Variants in KCNK5 observed in about 807,000 individuals in gnomAD.
KCNK5 encodes the protein potassium two pore domain channel subfamily K member 5.
A neutral mutation model predicts 32.9 loss-of-function variants in KCNK5; 18 were observed. The ratio of observed to expected loss-of-function variants is 0.55; its 90% CI spans 0.38 to 0.81. KCNK5 has a LOEUF of 0.81. Among genes scored for constraint, KCNK5 ranks in the 30% least tolerant of loss-of-function variants. The pLI is 0.00. For missense variants in KCNK5, 507 were observed against 651.0 expected (o/e 0.78, Z 2.41); for synonymous variants, 276 against 275.3 (o/e 1.00, Z -0.03).
At position 39,191,773 on chromosome 6, in the gene KCNK5, C is replaced by T; in HGVS notation, c.635-18G>A. The T allele has an allele frequency of 6.2e-7, 1 of 1,602,872 alleles. No homozygotes were observed. ...GTTCACACCTGAGCGGACAGGCAGT[C>T]CAGAGGTCAGGAAGAGTTAGCAGGG... is the stretch of plus-strand genomic sequence containing the variant. On this transcript the variant is annotated intron_variant, in intron 4 of 4. Coordinates refer to ENST00000359534, the MANE Select transcript of KCNK5 (RefSeq NM_003740.4). This position sits in a 1 kb window ranked among gnomAD's most constrained non-coding sequence, Gnocchi z 5.8.
chr6:39,217,118 C>CAAAGAAAA (rs1771451399), intron 1 of KCNK5, among the ~76,000 whole-genome samples: 2 of 74,446 alleles, frequency 2.7e-5, no homozygotes, highest in African/African-American at 9.1e-5. Flanking sequence ...AAAACTCCAT[C>CAAAGAAAA]AAAAAAAAAA....
chr6:39,198,068 C>T (rs1039886148), intron 1 of KCNK5, among the ~76,000 whole-genome samples: 3 of 152,334 alleles, frequency 2.0e-5, no homozygotes, highest in Admixed American at 2.0e-4. Context: ...GAAACTAGCA[C>T]AGATTCACCC....
intron 1 of KCNK5, among the ~76,000 whole-genome samples, chr6:39,217,508 C>T (rs1169732154): frequency 1.3e-5 from 2 of 152,212 alleles, no homozygotes; most frequent in Non-Finnish European, 2.9e-5. Context: ...AGAAGCCTTC[C>T]CTAATTGCCC....
chr6:39,229,107 A>C lies in KCNK5; in HGVS notation c.5T>G (p.Val2Gly), dbSNP rs1233080101. 8 of 1,613,738 alleles carry C rather than the reference A, an allele frequency of 5.0e-6. No individual in the cohort carries two copies. Among genetic ancestry groups the C allele is most frequent in the Non-Finnish European group, 3.4e-6 (4 of 1,179,934 alleles). Residue 2 changes from valine to glycine, a missense_variant, in exon 1 of 5, where the codon GTG (valine) becomes GGG (glycine). Around this residue, in one of 6 missense-constraint regions of KCNK5, gnomAD observed 143 missense variants for 219.1 expected, o/e 0.65. Coordinates refer to ENST00000359534, the MANE Select transcript of KCNK5 (RefSeq NM_003740.4). M[V>G]DRGPLLTSAI... ...CGAGGTGAGCAGAGGGCCCCGGTCCACCATGGCTCCCGAGCGGCCGCCTCC... is the reference window on the plus strand; with the variant it reads ...CGAGGTGAGCAGAGGGCCCCGGTCCCCCATGGCTCCCGAGCGGCCGCCTCC...
At chr6:39,200,672 G>A (rs994706325) in intron 1 of KCNK5, among the ~76,000 whole-genome samples, 3 of 152,176 alleles carry the variant, frequency 2.0e-5, no homozygotes, top group Non-Finnish European at 2.9e-5. Flanking sequence ...AACCAGTCCA[G>A]CCACTCTGAC....
In KCNK5 at chr6:39,191,461, T is replaced by G; in HGVS notation, c.929A>C (p.Lys310Thr). 6.2e-7 allele frequency: 1 copy of G among 1,613,414 alleles called. No individual in the cohort carries two copies. ...ACCCCCGCTTGTCTTCATGGCCTTC[T>G]TCCCGATCTGCTTGATGAGGTCGTT... ...TYNDLIKQIGKKAMKTSGGGE... is the reference protein window; with the variant it reads ...TYNDLIKQIGTKAMKTSGGGE... The change falls in exon 5 of 5, where the codon AAG becomes ACG. Residue 310 changes from lysine to threonine, a missense_variant. Physicochemically the swap from Lys to Thr is moderately conservative, Grantham distance 78. Transcript: ENST00000359534. This position sits in a 1 kb window ranked among gnomAD's most constrained non-coding sequence, Gnocchi z 5.8.
chr6:39,229,298 C>A lies in KCNK5; in HGVS notation c.-187G>T. The A allele has an allele frequency of 1.4e-6, 1 of 691,676 alleles. No individual in the cohort carries two copies. The highest frequency in any genetic ancestry group is 2.4e-6 in the Non-Finnish European group (1 of 423,330). The allele number at this position is 691,676 out of a possible 1,614,324, so 42.8% of individuals were successfully genotyped here. ...CTTGGCCAAGTTGGCCCACGGAGTGCGGGGAGCTGCGTGGGGCCCCACTCA... is the reference window on the plus strand; with the variant it reads ...CTTGGCCAAGTTGGCCCACGGAGTGAGGGGAGCTGCGTGGGGCCCCACTCA... On this transcript the variant is annotated 5_prime_UTR_variant, in exon 1 of 5. Coordinates refer to ENST00000359534, the MANE Select transcript of KCNK5 (RefSeq NM_003740.4).
intron 1 of KCNK5, among the ~76,000 whole-genome samples, chr6:39,213,051 CTGCAG>C (rs1425844144): frequency 5.9e-5 from 9 of 152,190 alleles, no homozygotes; most frequent in Non-Finnish European, 1.2e-4. Context: ...ATACCCAGAT[CTGCAG>C]TGCTCAAGTC....
chr6:39,198,201 C>T lies in KCNK5; in HGVS notation c.187-2214G>A, dbSNP rs1771061287. The stretch of plus-strand genomic sequence containing the variant: ...GCTAACAGATGGGATTAAAGAAATT[C>T]ATGTGGACAAGACACAGAAATGTCA... On this transcript the variant is annotated intron_variant, in intron 1 of 4. Transcript: ENST00000359534. Among the ~76,000 whole-genome samples the T allele has an allele frequency of 2.0e-5, 3 of 152,320 alleles. No homozygotes were observed. In the South Asian group the frequency reaches 6.2e-4, roughly 32 times the overall value.
rs765874562 is a variant in KCNK5 at position 39,189,211 on chromosome 6, G to A, written c.*1679C>T. The A allele has an allele frequency of 6.6e-6, 1 of 152,240 alleles. No homozygotes were observed. Among genetic ancestry groups the A allele is most frequent in the Non-Finnish European group, 1.5e-5 (1 of 68,058 alleles). The allele number at this position is 152,240 out of a possible 1,614,324, so 9.4% of individuals were successfully genotyped here. ...GTGCCCATCACTGTCTTCACATGTT[G>A]GGGAGGTGGGCTCTGGCCCCACTGC... On this transcript the variant is annotated 3_prime_UTR_variant, in exon 5 of 5. Transcript: ENST00000359534.
chr6:39,193,656 G>A (rs1385269180), intron 4 of KCNK5, among the ~76,000 whole-genome samples: 2 of 152,240 alleles, frequency 1.3e-5, no homozygotes, highest in East Asian at 3.8e-4. Flanking sequence ...AGGGCTGGGG[G>A]CAGGGCAGCT....
At chr6:39,225,946 C>T (rs1204709766) in intron 1 of KCNK5, among the ~76,000 whole-genome samples, 1 of 152,226 alleles carries the variant, frequency 6.6e-6, no homozygotes, top group Non-Finnish European at 1.5e-5. Flanking sequence ...AAGCTGCCTT[C>T]CTCAATAAAT....
chr6:39,224,783 T>C (rs1209841813), intron 1 of KCNK5, among the ~76,000 whole-genome samples: 1 of 152,030 alleles, frequency 6.6e-6, no homozygotes, highest in Non-Finnish European at 1.5e-5. Context: ...AGGGACTCTC[T>C]AGAGCCACAG....
chr6:39,210,422 G>C (rs922552734), intron 1 of KCNK5, among the ~76,000 whole-genome samples: 1 of 152,160 alleles, frequency 6.6e-6, no homozygotes, highest in Non-Finnish European at 1.5e-5. Flanking sequence ...GGACCCCTGG[G>C]CCATGCCCCT....
At position 39,191,783 on chromosome 6, in the gene KCNK5, G is replaced by C. The variant is rs777228499; in HGVS notation, c.635-28C>G. 50 of 1,595,930 alleles carry C rather than the reference G, an allele frequency of 3.1e-5. No individual in the cohort carries two copies. The highest frequency in any genetic ancestry group is 1.7e-4 in the Middle Eastern group (1 of 5,830). ...GAGCGGACAGGCAGTCCAGAGGTCA[G>C]GAAGAGTTAGCAGGGCCCGGGAAAT... On this transcript the variant is annotated intron_variant, in intron 4 of 4. Coordinates refer to ENST00000359534, the MANE Select transcript of KCNK5 (RefSeq NM_003740.4). The surrounding 1 kb of genome is among the most constrained non-coding windows in gnomAD (Gnocchi z 5.8).
chr6:39,218,757 G>T (rs1183043508), intron 1 of KCNK5, among the ~76,000 whole-genome samples: 2 of 152,190 alleles, frequency 1.3e-5, no homozygotes, highest in Non-Finnish European at 2.9e-5. Flanking sequence ...CTGGAGTGGT[G>T]CAGGCTCCAG....
At position 39,206,452 on chromosome 6, in the gene KCNK5, TA is replaced by T. The variant is rs145240977; in HGVS notation, c.187-10466del. On this transcript the variant is annotated intron_variant, in intron 1 of 4. Transcript: ENST00000359534. The stretch of plus-strand genomic sequence containing the variant: ...GAAGCCACCAGCCACTCAAGGTTTC[TA>T]AAAACAGTCCTTGGAGCAGGCCAGA... Among the ~76,000 whole-genome samples the T allele has an allele frequency of 7.0e-3, 1,067 of 152,300 alleles. 12 individuals are homozygous for T. Among genetic ancestry groups the T allele is most frequent in the African/African-American group, 0.024 (1,010 of 41,552 alleles).
intron 1 of KCNK5, among the ~76,000 whole-genome samples, chr6:39,214,973 G>A (rs17592687): frequency 0.028 from 4,286 of 152,232 alleles, 95 homozygotes; most frequent in Non-Finnish European, 0.042. Flanking sequence ...GGCATACAGC[G>A]GGCACTAAGT....
intron 4 of KCNK5, among the ~76,000 whole-genome samples, chr6:39,192,515 T>G (rs1770960013): frequency 6.6e-6 from 1 of 152,172 alleles, no homozygotes; most frequent in Non-Finnish European, 1.5e-5. Flanking sequence ...CCCTCCAAGC[T>G]GGGGCTAGAC....
Sources: gnomAD v4.1 joint callset for allele counts (sites outside exome capture counted in the v4.1 genomes callset) on GRCh38, gnomAD v4.1.1 for gene constraint, gnomAD v4.1.1 regional missense constraint, Gnocchi (gnomAD v3.1) non-coding constraint, MANE v1.5 for transcripts, NCBI Gene and HGNC (gene_info 2026-07-23, HGNC 2026-07-21) for gene names.